The following USP36 variants were observed in gnomAD, a reference collection of about 807,000 sequenced individuals.
USP36 encodes ubiquitin carboxyl-terminal hydrolase 36.
In USP36, 59 loss-of-function variants were observed where a neutral mutation model predicts 111.5. The observed-to-expected ratio is 0.53, with a 90% CI of 0.43 to 0.66. The LOEUF (loss-of-function observed/expected upper bound fraction) is 0.66, where lower values mean the gene tolerates loss of function less well. USP36 is among the 30% of genes least tolerant of loss of function. The pLI is 0.00. For missense variants in USP36, 1,488 were observed against 1,468.0 expected (o/e 1.01, Z -0.22); for synonymous variants, 628 against 581.0 (o/e 1.08, Z -1.16).
At chr17:78,820,909 G>T in intron 8 of USP36, 82 bp downstream of exon 8, 1 of 1,414,192 alleles carries the variant, frequency 7.1e-7, no homozygotes, top group Non-Finnish European at 9.8e-7. Context: ...TTGATCTGAT[G>T]CCTTTACTGT....
intron 4 of USP36, among the ~76,000 whole-genome samples, chr17:78,831,942 CAAAA>C (rs573258267): frequency 3.9e-5 from 3 of 77,260 alleles, no homozygotes; most frequent in African/African-American, 1.7e-4. Context: ...GAGCTTGTCT[CAAAA>C]AAAAAAAAAA....
chr17:78,830,407 A>G (rs1281255626), intron 4 of USP36, among the ~76,000 whole-genome samples: 1 of 152,232 alleles, frequency 6.6e-6, no homozygotes, highest in East Asian at 1.9e-4. Flanking sequence ...TGTATCCACC[A>G]CTAACACACA....
chr17:78,825,350 T>G (rs1291592172), intron 6 of USP36, among the ~76,000 whole-genome samples: 1 of 152,108 alleles, frequency 6.6e-6, no homozygotes, highest in Non-Finnish European at 1.5e-5. Flanking sequence ...AAAAGGCCCC[T>G]CCACCTGCAA....
At position 78,803,325 on chromosome 17, in the gene USP36, T is replaced by C; in HGVS notation, c.2810+60A>G. ...ACCATACCTACTTGGGGGTAGATTC[T>C]GTGGTTTTGCTTTGTTTCTCGTCAG... On this transcript the variant is annotated intron_variant, in intron 16 of 20. Coordinates refer to ENST00000449938, the MANE Select transcript of USP36 (RefSeq NM_001385174.1). The surrounding 1 kb of genome is among the most constrained non-coding windows in gnomAD (Gnocchi z 4.6). The C allele has an allele frequency of 6.5e-7, 1 of 1,537,868 alleles. No individual in the cohort carries two copies. Among genetic ancestry groups the C allele is most frequent in the Non-Finnish European group, 8.9e-7 (1 of 1,128,666 alleles).
chr17:78,806,384 A>G, intron 14 of USP36, 98 bp from the exon 15 acceptor site: 1 of 1,526,970 alleles, frequency 6.5e-7, no homozygotes, highest in South Asian at 1.2e-5. Context: ...AATAAAAACA[A>G]AAGAGCCCAG....
intron 2 of USP36, among the ~76,000 whole-genome samples, chr17:78,837,393 C>T (rs1305719669): frequency 1.3e-5 from 2 of 152,012 alleles, no homozygotes; most frequent in East Asian, 3.9e-4. Context: ...GTGGTGGCCC[C>T]GGGAGGTTCT....
At chr17:78,787,507 G>A (rs1018472724) in exon 4 of USP36, 10 of 152,172 alleles carry the variant, frequency 6.6e-5, no homozygotes, top group South Asian at 2.1e-4. Context: ...ATGTATACAT[G>A]CTACTCGTTT....
intron 13 of USP36, among the ~76,000 whole-genome samples, chr17:78,810,905 G>A (rs1056397915): frequency 3.9e-5 from 6 of 151,984 alleles, no homozygotes; most frequent in Non-Finnish European, 7.4e-5. Context: ...CTTGAGGTCA[G>A]GAGTTCCAGA....
intron 1 of USP36, among the ~76,000 whole-genome samples, chr17:78,840,166 C>T (rs1251928970): frequency 6.6e-6 from 1 of 152,148 alleles, no homozygotes; most frequent in Admixed American, 6.5e-5. Flanking sequence ...GTTACGTAAA[C>T]GGGGGCGCGC....
intron 13 of USP36, among the ~76,000 whole-genome samples, chr17:78,810,697 AATGTGAAGAGAAATACAG>A (rs1380642711): frequency 6.6e-6 from 1 of 152,124 alleles, no homozygotes; most frequent in Admixed American, 6.6e-5. Flanking sequence ...TATTTTCTTT[AATGTGAAGAGAAATACAG>A]ATGTACGTAA....
At chr17:78,813,723 G>C in intron 12 of USP36, 50 bp downstream of exon 12, 1 of 1,553,614 alleles carries the variant, frequency 6.4e-7, no homozygotes, top group Middle Eastern at 1.8e-4. Flanking sequence ...ACCGGTATAA[G>C]AAAAGAGCAG....
intron 10 of USP36, among the ~76,000 whole-genome samples, chr17:78,815,193 G>A (rs1034727218): frequency 1.1e-4 from 17 of 151,770 alleles, no homozygotes; most frequent in African/African-American, 3.9e-4. Flanking sequence ...TTAGCCAGGC[G>A]TGGTGGCACG....
rs2093926777 is a variant in USP36, at chr17:78,807,154, G to A, written c.1890C>T (p.Pro630=). Residue 630 remains proline (P), a synonymous_variant, in exon 14 of 21, where the codon CCC becomes CCT. Transcript: ENST00000449938. ...CGCAGAGATGGGCCGCTCCACTCCT[G>A]GGGGTCTGGGGGGCCTTGGTGGAGT... ...SSDSTKAPQT[P]RSGAAHLCDS... 2 of 1,614,236 alleles carry A rather than the reference G, an allele frequency of 1.2e-6. No homozygotes were observed. The highest frequency in any genetic ancestry group is 1.7e-6 in the Non-Finnish European group (2 of 1,180,038).
intron 13 of USP36, among the ~76,000 whole-genome samples, chr17:78,809,643 G>T (rs764838049): frequency 6.6e-6 from 1 of 152,052 alleles, no homozygotes; most frequent in Non-Finnish European, 1.5e-5. Flanking sequence ...TTTTTCTGGG[G>T]TTTTTTGAGA....
At chr17:78,818,527 A>C in intron 10 of USP36, 140 bp downstream of exon 10, 1 of 708,882 alleles carries the variant, frequency 1.4e-6, no homozygotes, top group South Asian at 1.9e-5. Flanking sequence ...CCTACTTCAC[A>C]ATATGTGTAG....
Position 78,835,445 on chromosome 17 carries a change from G to A in USP36, c.310C>T (p.Leu104Phe), listed in dbSNP as rs1427812221. 1 of 1,613,932 alleles carries A rather than the reference G, an allele frequency of 6.2e-7. No individual in the cohort carries two copies. The highest frequency in any genetic ancestry group is 1.3e-5 in the African/African-American group (1 of 75,072). Residue 104 changes from leucine (L) to phenylalanine (F), a missense_variant, in exon 4 of 21, where the codon CTT becomes TTT. Physicochemically the swap from Leu to Phe is conservative, Grantham distance 22. This residue lies in a region of USP36 where 219 missense variants were observed against 209.5 expected (regional missense o/e 1.05). Coordinates refer to ENST00000449938, the MANE Select transcript of USP36 (RefSeq NM_001385174.1). ...AGAGACAGTCGCTCCGTGGGGAAAA[G>A]CACTTTCTGCGGGGCTGGGACTCCG... ...GDGVPAPQKV[L>F]FPTERLSLRW...
At position 78,798,693 on chromosome 17, in the gene USP36, G is replaced by A. The variant is rs566472853; in HGVS notation, c.3241-142C>T. 5.9e-6 allele frequency: 8 copies of A among 1,347,108 alleles called. No individual in the cohort carries two copies. In the East Asian group the frequency reaches 6.9e-5, roughly 12 times the overall value. 83.4% of individuals were successfully genotyped at this position (1,347,108 alleles called of 1,614,324 possible). On this transcript the variant is annotated intron_variant, in intron 19 of 20. Coordinates refer to ENST00000449938, the MANE Select transcript of USP36 (RefSeq NM_001385174.1). The surrounding 1 kb of genome is among the most constrained non-coding windows in gnomAD (Gnocchi z 5.1). ...ACCCACTCTTCACAATGACCCCTGT[G>A]CACGGCGACCTGCAGTCCCCCTATT... is the stretch of plus-strand genomic sequence containing the variant.
At chr17:78,814,008 T>G (rs2094126799) in intron 11 of USP36, 135 bp from the exon 12 acceptor site, 1 of 756,496 alleles carries the variant, frequency 1.3e-6, no homozygotes. Context: ...AGGTAACAAC[T>G]TCTATTAAAA....
At chr17:78,815,832 T>C (rs562588757) in intron 10 of USP36, among the ~76,000 whole-genome samples, 3 of 147,042 alleles carry the variant, frequency 2.0e-5, no homozygotes, top group Admixed American at 1.3e-4. Flanking sequence ...TGCACACATA[T>C]ATACATACAC....
Sources: allele counts gnomAD v4.1 joint callset (sites outside exome capture counted in the v4.1 genomes callset), GRCh38; gene constraint gnomAD v4.1.1; regional missense constraint gnomAD v4.1.1; non-coding constraint Gnocchi (gnomAD v3.1); transcripts MANE v1.5; gene names NCBI Gene and HGNC (gene_info 2026-07-23, HGNC 2026-07-21).